The following PRSS12 variants were observed in gnomAD, a reference collection of about 807,000 sequenced individuals.
The protein encoded by PRSS12 is serine protease 12, also known as neurotrypsin.
A neutral mutation model predicts 104.4 loss-of-function variants in PRSS12; 85 were observed. The ratio of observed to expected loss-of-function variants is 0.81; its 90% CI spans 0.68 to 0.98. The LOEUF is 0.98. Among genes scored for constraint, PRSS12 ranks in the 50% least tolerant of loss-of-function variants. The pLI, the probability that PRSS12 is intolerant of heterozygous loss-of-function variation, is 0.00. For synonymous variants in PRSS12, 454 were observed against 425.2 expected (o/e 1.07, Z -0.83); for missense variants, 1,141 against 1,139.2 (o/e 1.00, Z -0.02).
chr4:118,297,575 G>A (rs1371911756), intron 9 of PRSS12, among the ~76,000 whole-genome samples: 1 of 151,804 alleles, frequency 6.6e-6, no homozygotes, highest in Non-Finnish European at 1.5e-5. Context: ...AGGATTGTAA[G>A]TGTTCTTTTC....
At chr4:118,338,926 C>A (rs1480930005) in intron 1 of PRSS12, among the ~76,000 whole-genome samples, 1 of 152,054 alleles carries the variant, frequency 6.6e-6, no homozygotes, top group African/African-American at 2.4e-5. Flanking sequence ...TTTGAAAATA[C>A]TGCCTAATGC....
Position 118,316,297 on chromosome 4 carries a change from T to G in PRSS12, c.1177A>C (p.Lys393Gln). The G allele has an allele frequency of 6.2e-7, 1 of 1,614,002 alleles. No homozygotes were observed. The highest frequency in any genetic ancestry group is 8.5e-7 in the Non-Finnish European group (1 of 1,180,004). The change falls in exon 6 of 13, where the codon AAA becomes CAA. Residue 393 changes from lysine to glutamine, a missense_variant. By Grantham distance (53) the Lys-to-Gln change is moderately conservative. Transcript: ENST00000296498. ...TDGVIRLAGG[K>Q]GSHEGRLEVY... ...TCCAAGCGACCCTCATGGCTGCCTT[T>G]CCCACCTGCAAGTCTGATGACCCCA...
At chr4:118,290,666 T>C (rs1189102363) in intron 11 of PRSS12, among the ~76,000 whole-genome samples, 2 of 152,132 alleles carry the variant, frequency 1.3e-5, no homozygotes, top group African/African-American at 4.8e-5. Flanking sequence ...ATTTTACAGA[T>C]GTAAAATGAC....
At chr4:118,291,092 T>C (rs769139264) in intron 11 of PRSS12, among the ~76,000 whole-genome samples, 3 of 151,784 alleles carry the variant, frequency 2.0e-5, no homozygotes, top group African/African-American at 7.2e-5. Context: ...CCCTCAGATA[T>C]ATGCCACAAA....
intron 4 of PRSS12, among the ~76,000 whole-genome samples, chr4:118,325,790 A>G (rs1321965491): frequency 6.6e-6 from 1 of 152,024 alleles, no homozygotes; most frequent in Non-Finnish European, 1.5e-5. Flanking sequence ...TCTGTAATAA[A>G]AGCTCTAGTG....
intron 1 of PRSS12, among the ~76,000 whole-genome samples, chr4:118,350,794 T>C (rs2126047398): frequency 6.6e-6 from 1 of 152,334 alleles, no homozygotes; most frequent in Non-Finnish European, 1.5e-5. Context: ...TAAATTACTT[T>C]TCTTGAGTCT....
intron 8 of PRSS12, among the ~76,000 whole-genome samples, chr4:118,302,647 G>C (rs576034637): frequency 1.3e-5 from 2 of 152,282 alleles, no homozygotes; most frequent in Non-Finnish European, 2.9e-5. Context: ...GGCTGGTCTT[G>C]AACTCCTGGC....
chr4:118,309,946 GTC>G (rs1195880630), intron 7 of PRSS12, among the ~76,000 whole-genome samples: 2 of 152,114 alleles, frequency 1.3e-5, no homozygotes, highest in Non-Finnish European at 2.9e-5. Context: ...TGGCTCCCCA[GTC>G]TCTATCCCTA....
At chr4:118,330,981 A>G (rs1723903434) in intron 4 of PRSS12, among the ~76,000 whole-genome samples, 1 of 152,194 alleles carries the variant, frequency 6.6e-6, no homozygotes, top group Non-Finnish European at 1.5e-5. Flanking sequence ...TGGCCCCCTC[A>G]GTGCTAAATG....
chr4:118,319,766 C>T (rs1038377175), intron 4 of PRSS12, among the ~76,000 whole-genome samples: 3 of 152,090 alleles, frequency 2.0e-5, no homozygotes, highest in Admixed American at 2.0e-4. Context: ...CAGTCTTGAC[C>T]TCCTGGGCTC....
chr4:118,334,779 A>C (rs1281449302), intron 3 of PRSS12, among the ~76,000 whole-genome samples: 1 of 152,184 alleles, frequency 6.6e-6, no homozygotes, highest in Non-Finnish European at 1.5e-5. Flanking sequence ...TGCTGCTATC[A>C]CCAAGGAAAA....
In PRSS12 at chr4:118,308,421, T is replaced by C. The variant is rs533307395; in HGVS notation, c.1631+15A>G. Reference sequence around the variant, plus strand: ...GCTCATCAGTAACCATCCCAAATAATTAGGTTTTCCTTACTTGTAGCCAAG... The same window carrying C: ...GCTCATCAGTAACCATCCCAAATAACTAGGTTTTCCTTACTTGTAGCCAAG... On this transcript the variant is annotated intron_variant, in intron 8 of 12. Coordinates refer to ENST00000296498, the MANE Select transcript of PRSS12 (RefSeq NM_003619.4). The C allele has an allele frequency of 3.7e-6, 6 of 1,613,856 alleles. No homozygotes were observed. Among genetic ancestry groups the C allele is most frequent in the Non-Finnish European group, 5.1e-6 (6 of 1,179,878 alleles).
chr4:118,342,270 T>C (rs971986483), intron 1 of PRSS12, among the ~76,000 whole-genome samples: 1 of 152,184 alleles, frequency 6.6e-6, no homozygotes, highest in South Asian at 2.1e-4. Context: ...AACAATAAAG[T>C]GATTTGCATA....
intron 6 of PRSS12, among the ~76,000 whole-genome samples, chr4:118,314,895 G>T (rs1309841972): frequency 6.6e-6 from 1 of 152,036 alleles, no homozygotes; most frequent in Non-Finnish European, 1.5e-5. Flanking sequence ...ATGATTTTAT[G>T]AATCTCTCTA....
At chr4:118,291,453 C>T (rs1011591738) in intron 11 of PRSS12, among the ~76,000 whole-genome samples, 1 of 152,142 alleles carries the variant, frequency 6.6e-6, no homozygotes, top group Admixed American at 6.6e-5. Context: ...GAACTGTCCT[C>T]GTGTCAAAGA....
At chr4:118,343,711 G>T (rs1474667619) in intron 1 of PRSS12, among the ~76,000 whole-genome samples, 1 of 152,140 alleles carries the variant, frequency 6.6e-6, no homozygotes, top group Non-Finnish European at 1.5e-5. Flanking sequence ...AGCTATGACT[G>T]TGCCACTATA....
chr4:118,337,896 T>A (rs967512929), intron 2 of PRSS12, among the ~76,000 whole-genome samples: 1 of 152,154 alleles, frequency 6.6e-6, no homozygotes, highest in Non-Finnish European at 1.5e-5. Context: ...CCTCTGTATT[T>A]TGTTAAAGAC....
At chr4:118,334,852 C>T (rs1198063344) in intron 3 of PRSS12, among the ~76,000 whole-genome samples, 6 of 152,120 alleles carry the variant, frequency 3.9e-5, no homozygotes, top group African/African-American at 1.2e-4. Context: ...TAAAATACAC[C>T]ATGGTACCCA....
intron 4 of PRSS12, among the ~76,000 whole-genome samples, chr4:118,329,501 GA>G (rs1184029349): frequency 2.0e-5 from 3 of 152,120 alleles, no homozygotes; most frequent in Non-Finnish European, 4.4e-5. Context: ...ATAACCCAGT[GA>G]ATACATATAT....
Sources: allele counts gnomAD v4.1 joint callset (sites outside exome capture counted in the v4.1 genomes callset), GRCh38; gene constraint gnomAD v4.1.1; transcripts MANE v1.5; gene names NCBI Gene and HGNC (gene_info 2026-07-23, HGNC 2026-07-21).